ITGA1: variants seen among roughly 807,000 people sequenced by gnomAD.
ITGA1 encodes the protein integrin subunit alpha 1.
ITGA1 carries 85 observed loss-of-function variants against 145.9 expected under a neutral mutation model. That is an observed-to-expected ratio of 0.58 (90% CI 0.49 to 0.70). The LOEUF (loss-of-function observed/expected upper bound fraction) is 0.70, where lower values mean the gene tolerates loss of function less well. Among genes scored for constraint, ITGA1 ranks in the 30% least tolerant of loss-of-function variants. The probability of loss-of-function intolerance (pLI) is 0.00; values close to 1 mark genes in which losing one functional copy is unlikely to be tolerated. For synonymous variants in ITGA1, 520 were observed against 495.3 expected (o/e 1.05, Z -0.66); for missense variants, 1,351 against 1,418.7 (o/e 0.95, Z 0.77).
intron 1 of ITGA1, among the ~76,000 whole-genome samples, chr5:52,809,277 A>G: frequency 6.6e-6 from 1 of 152,146 alleles, no homozygotes; most frequent in East Asian, 1.9e-4. Flanking sequence ...GCAAAAAAAC[A>G]CAGTCTACAA....
intron 12 of ITGA1, among the ~76,000 whole-genome samples, chr5:52,908,507 A>C (rs892944019): frequency 6.6e-6 from 1 of 152,198 alleles, no homozygotes; most frequent in Admixed American, 6.5e-5. Flanking sequence ...GCTCCTTATA[A>C]TGTATTTAAA....
At chr5:52,882,072 T>G (rs1184451189) in intron 7 of ITGA1, 51 bp downstream of exon 7, 21 of 1,440,442 alleles carry the variant, frequency 1.5e-5, no homozygotes, top group Non-Finnish European at 1.8e-5. Flanking sequence ...AAATAACTGC[T>G]CATGATTTAG....
intron 1 of ITGA1, among the ~76,000 whole-genome samples, chr5:52,834,006 C>A (rs560371658): frequency 1.3e-5 from 2 of 152,284 alleles, no homozygotes; most frequent in African/African-American, 4.8e-5. Context: ...AACACATCAT[C>A]TACCAATGAA....
rs1351139536 is a variant in ITGA1, at chr5:52,955,780, A to G, written c.*3329A>G. 1 of 152,140 alleles carries G rather than the reference A, an allele frequency of 6.6e-6. No homozygotes were observed. Among genetic ancestry groups the G allele is most frequent in the East Asian group, 1.9e-4 (1 of 5,194 alleles). 9.4% of individuals were successfully genotyped at this position (152,140 alleles called of 1,614,324 possible). A position where few individuals can be genotyped will look rare whatever the true frequency, so the allele number is the denominator to read the frequency against. ...TCAACTTCATTGGTCCAATTTGTCA[A>G]ACTATTTTCCTCTGAGCACTAGATT... On this transcript the variant is annotated 3_prime_UTR_variant, in exon 29 of 29. Coordinates refer to ENST00000282588, the MANE Select transcript of ITGA1 (RefSeq NM_181501.2).
chr5:52,826,680 T>G (rs10068209), intron 1 of ITGA1, among the ~76,000 whole-genome samples: 34,951 of 152,138 alleles, frequency 0.23, 4,473 homozygotes, highest in Middle Eastern at 0.34. Context: ...CTAGGGCCCT[T>G]AAGCACTATG....
intron 1 of ITGA1, among the ~76,000 whole-genome samples, chr5:52,815,477 T>G (rs554925695): frequency 2.6e-5 from 4 of 152,174 alleles, no homozygotes; most frequent in Non-Finnish European, 5.9e-5. Flanking sequence ...ACTTTCCTAC[T>G]CCCCTGGTCA....
rs201933029 is a variant in ITGA1, at chr5:52,886,632, G to A, written c.774-1183G>A. Among the ~76,000 whole-genome samples, 8 of 152,240 alleles carry A rather than the reference G, an allele frequency of 5.3e-5. No homozygotes were observed. In the East Asian group the frequency reaches 1.2e-3, roughly 22 times the overall value. ...TCTTCCAAGACTCCAGAGCGAAAAGGTTTGAGTAAAAGGAAATAAAGGGGG... is the reference window on the plus strand; with the variant it reads ...TCTTCCAAGACTCCAGAGCGAAAAGATTTGAGTAAAAGGAAATAAAGGGGG... On this transcript the variant is annotated intron_variant, in intron 7 of 28. Transcript: ENST00000282588.
chr5:52,810,378 T>G (rs541358424), intron 1 of ITGA1, among the ~76,000 whole-genome samples: 41 of 152,230 alleles, frequency 2.7e-4, no homozygotes, highest in Non-Finnish European at 4.6e-4. Flanking sequence ...CATTTTATCT[T>G]TCGTTGTAAA....
chr5:52,912,178 T>C (rs1420417807), intron 14 of ITGA1, among the ~76,000 whole-genome samples: 1 of 143,858 alleles, frequency 7.0e-6, no homozygotes, highest in East Asian at 2.1e-4. Context: ...ATCTAGTATA[T>C]AGATACGCTA....
At chr5:52,941,115 C>G (rs550594321) in intron 26 of ITGA1, among the ~76,000 whole-genome samples, 1 of 152,086 alleles carries the variant, frequency 6.6e-6, no homozygotes, top group African/African-American at 2.4e-5. Flanking sequence ...TGATTTTGTT[C>G]TTTTTTATGG....
At chr5:52,890,008 G>A (rs1400763663) in intron 8 of ITGA1, 3 of 151,822 alleles carry the variant, frequency 2.0e-5, no homozygotes, top group African/African-American at 4.8e-5. Context: ...AGGCCAAATT[G>A]TAATCATTTG....
At chr5:52,927,492 T>G (rs762065457) in intron 19 of ITGA1, 92 bp from the exon 20 acceptor site, 58 of 787,118 alleles carry the variant, frequency 7.4e-5, no homozygotes, top group Non-Finnish European at 1.1e-4. Flanking sequence ...GGCAAGGCAG[T>G]CACCAAGACA....
At chr5:52,830,373 G>T (rs940057993) in intron 1 of ITGA1, among the ~76,000 whole-genome samples, 4 of 152,012 alleles carry the variant, frequency 2.6e-5, no homozygotes, top group African/African-American at 9.7e-5. Flanking sequence ...TTATTTCAAA[G>T]ATAAACTTTG....
chr5:52,946,684 C>T (rs1345132872), intron 27 of ITGA1, among the ~76,000 whole-genome samples: 1 of 147,430 alleles, frequency 6.8e-6, no homozygotes, highest in Non-Finnish European at 1.5e-5. Flanking sequence ...GGTTTGAGTG[C>T]CACCCTGAGA....
intron 1 of ITGA1, among the ~76,000 whole-genome samples, chr5:52,828,473 T>G (rs1400361938): frequency 1.3e-5 from 2 of 152,212 alleles, no homozygotes; most frequent in Non-Finnish European, 2.9e-5. Context: ...GAAATCTCTA[T>G]TAATATTTAC....
chr5:52,943,808 T>A (rs968993968), intron 26 of ITGA1, among the ~76,000 whole-genome samples: 4 of 152,078 alleles, frequency 2.6e-5, no homozygotes, highest in African/African-American at 7.2e-5. Flanking sequence ...CAGCCATAGA[T>A]CTCAGCTTGG....
intron 1 of ITGA1, among the ~76,000 whole-genome samples, chr5:52,848,244 C>A (rs1297153448): frequency 1.3e-5 from 2 of 152,140 alleles, no homozygotes; most frequent in African/African-American, 4.8e-5. Context: ...GAGTGGAGAC[C>A]ATCAGCTTGC....
chr5:52,825,224 C>T (rs1486600226), intron 1 of ITGA1: 1 of 152,122 alleles, frequency 6.6e-6, no homozygotes, highest in African/African-American at 2.4e-5. Flanking sequence ...TTGTGTCTGG[C>T]TTCTTTCACT....
chr5:52,820,451 A>T (rs927601711), intron 1 of ITGA1, among the ~76,000 whole-genome samples: 6 of 151,200 alleles, frequency 4.0e-5, no homozygotes, highest in African/African-American at 1.5e-4. Flanking sequence ...GCAGCACACC[A>T]ACATGGCACA....
Sources: allele counts gnomAD v4.1 joint callset (sites outside exome capture counted in the v4.1 genomes callset), GRCh38; gene constraint gnomAD v4.1.1; transcripts MANE v1.5; gene names NCBI Gene and HGNC (gene_info 2026-07-23, HGNC 2026-07-21).